MED13L: variants seen among roughly 807,000 people sequenced by gnomAD.
MED13L encodes mediator of RNA polymerase II transcription subunit 13-like.
MED13L carries 7 observed loss-of-function variants against 220.9 expected under a neutral mutation model. The observed-to-expected ratio is 0.03, with a 90% confidence interval of 0.02 to 0.06. The LOEUF is 0.06. MED13L is among the 10% of genes least tolerant of loss of function. The pLI is 1.00. For synonymous variants in MED13L, 1,011 were observed against 1,015.2 expected, an observed-to-expected ratio of 1.00 and a Z score of 0.08; for missense variants, 1,965 against 2,760.5, an observed-to-expected ratio of 0.71 and a Z score of 6.46.
At chr12:116,040,795 C>CAAA (rs59484926) in intron 4 of MED13L, among the ~76,000 whole-genome samples, 2 of 92,532 alleles carry the variant, frequency 2.2e-5, no homozygotes, top group East Asian at 3.4e-4. Flanking sequence ...TAGGAGTCCT[C>CAAA]AAAAAAAAAA....
At chr12:116,201,277 C>A (rs1296839095) in intron 2 of MED13L, among the ~76,000 whole-genome samples, 1 of 152,076 alleles carries the variant, frequency 6.6e-6, no homozygotes, top group Non-Finnish European at 1.5e-5. Flanking sequence ...AAGATTAGAT[C>A]AGGTAAGCCT....
At chr12:116,252,086 T>C (rs1871614977) in intron 1 of MED13L, among the ~76,000 whole-genome samples, 1 of 152,050 alleles carries the variant, frequency 6.6e-6, no homozygotes, top group African/African-American at 2.4e-5. Flanking sequence ...TCCAAAATTA[T>C]AATTGGAGAC....
chr12:116,134,751 T>C (rs1364012515), intron 2 of MED13L, among the ~76,000 whole-genome samples: 1 of 152,220 alleles, frequency 6.6e-6, no homozygotes, highest in Non-Finnish European at 1.5e-5. Flanking sequence ...CTATTTACGA[T>C]GATACGCCAG....
chr12:116,008,473 C>A lies in MED13L; in HGVS notation c.1940G>T (p.Arg647Met), dbSNP rs761742815. Reference sequence around the variant, plus strand: ...TCTCTCACCCTGGAGCTCTGGAGGCCTGAACTCAGCATCATCACTGGGTGG... The same window carrying A: ...TCTCTCACCCTGGAGCTCTGGAGGCATGAACTCAGCATCATCACTGGGTGG... ...RLPPSDDAEFRPPELQGERCD... is the reference protein window; with the variant it reads ...RLPPSDDAEFMPPELQGERCD... The change falls in exon 10 of 31, where the codon AGG becomes ATG. Residue 647 changes from arginine to methionine, a missense_variant. Physicochemically the swap from Arg to Met is moderately conservative, Grantham distance 91. Around this residue, in one of 10 missense-constraint regions of MED13L, gnomAD observed 818 missense variants for 1,041.2 expected, o/e 0.79. Coordinates refer to ENST00000281928, the MANE Select transcript of MED13L (RefSeq NM_015335.5). 6.2e-7 allele frequency: 1 copy of A among 1,613,540 alleles called. No homozygotes were observed. Among genetic ancestry groups the A allele is most frequent in the Non-Finnish European group, 8.5e-7 (1 of 1,179,974 alleles).
At chr12:116,187,551 G>C (rs1880976259) in intron 2 of MED13L, among the ~76,000 whole-genome samples, 1 of 152,090 alleles carries the variant, frequency 6.6e-6, no homozygotes, top group Non-Finnish European at 1.5e-5. Flanking sequence ...ATGCTTTTAA[G>C]TCTTTCTCTG....
At chr12:116,133,741 G>A (rs1373071612) in intron 2 of MED13L, among the ~76,000 whole-genome samples, 1 of 152,136 alleles carries the variant, frequency 6.6e-6, no homozygotes, top group Non-Finnish European at 1.5e-5. Flanking sequence ...CGAAGTGACT[G>A]TATGTTAGTC....
At chr12:116,090,620 G>A (rs2137786635) in intron 4 of MED13L, among the ~76,000 whole-genome samples, 1 of 152,248 alleles carries the variant, frequency 6.6e-6, no homozygotes, top group Admixed American at 6.5e-5. Flanking sequence ...AAAGCTAAAA[G>A]ACAACTTAGA....
intron 2 of MED13L, among the ~76,000 whole-genome samples, chr12:116,182,511 A>G (rs530972224): frequency 6.6e-6 from 1 of 152,268 alleles, no homozygotes; most frequent in Admixed American, 6.5e-5. Context: ...TTTCTCTTAC[A>G]CTAGAGAAGA....
chr12:116,182,049 C>A (rs1880567099), intron 2 of MED13L, among the ~76,000 whole-genome samples: 1 of 152,144 alleles, frequency 6.6e-6, no homozygotes, highest in Non-Finnish European at 1.5e-5. Flanking sequence ...GGTCCAACCA[C>A]CTTTCACTAT....
intron 19 of MED13L, among the ~76,000 whole-genome samples, chr12:115,985,653 C>G (rs774948551): frequency 6.6e-6 from 1 of 152,040 alleles, no homozygotes; most frequent in Admixed American, 6.5e-5. Flanking sequence ...AGACATGATT[C>G]TATTTTTTTT....
intron 1 of MED13L, among the ~76,000 whole-genome samples, chr12:116,246,743 A>T (rs1383564651): frequency 8.7e-6 from 1 of 114,740 alleles, no homozygotes; most frequent in Non-Finnish European, 1.8e-5. Context: ...CTAAGGAGTT[A>T]GAGGTGGTGG....
At chr12:116,090,685 T>C (rs969168118) in intron 4 of MED13L, among the ~76,000 whole-genome samples, 1 of 152,168 alleles carries the variant, frequency 6.6e-6, no homozygotes, top group Non-Finnish European at 1.5e-5. Flanking sequence ...CAAGGTCAAA[T>C]AGTTAATGGA....
intron 1 of MED13L, among the ~76,000 whole-genome samples, chr12:116,263,771 A>C (rs576328258): frequency 6.6e-6 from 1 of 152,312 alleles, no homozygotes; most frequent in South Asian, 2.1e-4. Flanking sequence ...AGACAGAGAG[A>C]AGACACAACA....
At chr12:116,028,198 G>T (rs1880516528) in intron 4 of MED13L, among the ~76,000 whole-genome samples, 1 of 152,148 alleles carries the variant, frequency 6.6e-6, no homozygotes, top group Non-Finnish European at 1.5e-5. Context: ...GTTAAAATGA[G>T]ATCAGATTTG....
At chr12:116,003,527 A>G (rs542385071) in intron 13 of MED13L, among the ~76,000 whole-genome samples, 1 of 152,066 alleles carries the variant, frequency 6.6e-6, no homozygotes, top group Non-Finnish European at 1.5e-5. Context: ...ATCACAACAA[A>G]CTATGTATCT....
In MED13L at chr12:116,015,179, G is replaced by T; in HGVS notation, c.1105C>A (p.Pro369Thr). The change falls in exon 8 of 31, where the codon CCT (proline) becomes ACT (threonine). Residue 369 changes from proline (P) to threonine (T), a missense_variant. Physicochemically the swap from Pro to Thr is conservative, Grantham distance 38 (BLOSUM62 -1). Coordinates refer to ENST00000281928, the MANE Select transcript of MED13L (RefSeq NM_015335.5). ...ACCATATGATTGTGGAGTTTTGGAG[G>T]AATCTTCCCCGATCTCTTTGGACTG... is the stretch of plus-strand genomic sequence containing the variant. The part of the protein sequence containing the change: ...MHSPKRSGKI[P>T]PKLHNHMVHR... The T allele has an allele frequency of 6.2e-7, 1 of 1,613,752 alleles. No homozygotes were observed. Among genetic ancestry groups the T allele is most frequent in the Non-Finnish European group, 8.5e-7 (1 of 1,179,858 alleles).
intron 1 of MED13L, among the ~76,000 whole-genome samples, chr12:116,274,571 A>G (rs1873659856): frequency 6.6e-6 from 1 of 151,946 alleles, no homozygotes; most frequent in Non-Finnish European, 1.5e-5. Context: ...TTTGGGCAAC[A>G]TATTTTTAAT....
At chr12:116,017,721 T>C (rs1295586595) in intron 7 of MED13L, among the ~76,000 whole-genome samples, 1 of 152,118 alleles carries the variant, frequency 6.6e-6, no homozygotes, top group Non-Finnish European at 1.5e-5. Flanking sequence ...GCTCAAGCCA[T>C]CTTCCCACCT....
rs546875885 is a variant in MED13L at position 116,138,265 on chromosome 12, T to C, written c.311-26753A>G. On this transcript the variant is annotated intron_variant, in intron 2 of 30. Transcript: ENST00000281928. ...ATAAAACATAGCCCTATTGTTTAGG[T>C]ATTTAAAGCCTAGACTTAGGAGAAA... Among the ~76,000 whole-genome samples, 6 of 152,346 alleles carry C rather than the reference T, an allele frequency of 3.9e-5. 1 individual carries two copies. The highest frequency in any genetic ancestry group is 8.8e-5 in the Non-Finnish European group (6 of 68,030).
Sources: allele counts gnomAD v4.1 joint callset (sites outside exome capture counted in the v4.1 genomes callset), GRCh38; gene constraint gnomAD v4.1.1; regional missense constraint gnomAD v4.1.1; transcripts MANE v1.5; gene names NCBI Gene and HGNC (gene_info 2026-07-23, HGNC 2026-07-21).